SLC44A1: variants seen among roughly 807,000 people sequenced by gnomAD.
The protein encoded by SLC44A1 is solute carrier family 44 member 1.
SLC44A1 carries 26 observed loss-of-function variants against 79.3 expected under a neutral mutation model. That is an observed-to-expected ratio of 0.33 (90% CI 0.24 to 0.46). The LOEUF (loss-of-function observed/expected upper bound fraction) is 0.46. SLC44A1 is among the 20% of genes least tolerant of loss of function. SLC44A1 has a pLI of 1.00. For synonymous variants in SLC44A1, 263 were observed against 286.2 expected, an observed-to-expected ratio of 0.92 and a Z score of 0.82; for missense variants, 688 against 798.1, an observed-to-expected ratio of 0.86 and a Z score of 1.66.
intron 15 of SLC44A1, among the ~76,000 whole-genome samples, chr9:105,388,190 A>C (rs1484321279): frequency 6.6e-6 from 1 of 152,058 alleles, no homozygotes; most frequent in African/African-American, 2.4e-5. Context: ...GAGTAGTTTT[A>C]TTTTTTCAGC....
Position 105,361,357 on chromosome 9 carries a change from C to G in SLC44A1, c.900+27C>G, listed in dbSNP as rs576639807. On this transcript the variant is annotated intron_variant, in intron 8 of 15. Transcript: ENST00000374720. ...TGAGTTTAGGCTTTGGCGTGTCTTTCGGTTTTGTGTTTTTGTTTGCAGGAG... is the reference window on the plus strand; with the variant it reads ...TGAGTTTAGGCTTTGGCGTGTCTTTGGGTTTTGTGTTTTTGTTTGCAGGAG... The G allele has an allele frequency of 1.0e-5, 16 of 1,553,840 alleles. No individual in the cohort carries two copies. In the African/African-American group the frequency reaches 1.9e-4, roughly 19 times the overall value.
At chr9:105,403,106 CA>C (rs1412584960) in intron 15 of SLC44A1, among the ~76,000 whole-genome samples, 1 of 151,346 alleles carries the variant, frequency 6.6e-6, no homozygotes, top group Non-Finnish European at 1.5e-5. Context: ...AGGTGTGAGC[CA>C]CCATGCCCAG....
chr9:105,395,295 T>C lies in SLC44A1; in HGVS notation c.*6239T>C. On this transcript the variant is annotated 3_prime_UTR_variant, in exon 16 of 16. Transcript: ENST00000374720. ...GTGCAGTGGCTCAATCTTAGCTCACTGCAACCTCCACCTCCCAGGTTCAAG... is the reference window on the plus strand; with the variant it reads ...GTGCAGTGGCTCAATCTTAGCTCACCGCAACCTCCACCTCCCAGGTTCAAG... 1 of 607,158 alleles carries C rather than the reference T, an allele frequency of 1.6e-6. No individual in the cohort carries two copies. The highest frequency in any genetic ancestry group is 2.1e-6 in the Non-Finnish European group (1 of 484,774). The allele number at this position is 607,158 out of a possible 1,614,324, so 37.6% of individuals were successfully genotyped here.
intron 13 of SLC44A1, among the ~76,000 whole-genome samples, chr9:105,379,774 G>A (rs1426493902): frequency 1.3e-5 from 2 of 152,148 alleles, no homozygotes; most frequent in Non-Finnish European, 2.9e-5. Flanking sequence ...ATATTTTTAA[G>A]TATTGATATT....
chr9:105,396,148 G>A lies in SLC44A1; in HGVS notation c.*7092G>A. The A allele has an allele frequency of 1.0e-6, 1 of 985,266 alleles. No individual in the cohort carries two copies. The highest frequency in any genetic ancestry group is 1.2e-6 in the Non-Finnish European group (1 of 829,896). The allele number at this position is 985,266 out of a possible 1,614,324, so 61.0% of individuals were successfully genotyped here. A position where few individuals can be genotyped will look rare whatever the true frequency, so the allele number is the denominator to read the frequency against. On this transcript the variant is annotated 3_prime_UTR_variant, in exon 16 of 16. Coordinates refer to ENST00000374720, the MANE Select transcript of SLC44A1 (RefSeq NM_080546.5). ...TGTGTTGCCTTAATGCTACTAGATT[G>A]TGTTGTGTTGTTGGAGTTTTCTGAC...
chr9:105,388,045 C>A (rs1208442769), intron 15 of SLC44A1, among the ~76,000 whole-genome samples: 1 of 152,026 alleles, frequency 6.6e-6, no homozygotes, highest in African/African-American at 2.4e-5. Flanking sequence ...TGGCAAAAAC[C>A]CTCTGCTGCA....
At chr9:105,422,043 T>C (rs1293604202) in intron 15 of SLC44A1, among the ~76,000 whole-genome samples, 1 of 152,056 alleles carries the variant, frequency 6.6e-6, no homozygotes, top group Non-Finnish European at 1.5e-5. Context: ...TTGAGAGAGG[T>C]GACAGCGTTA....
downstream of SLC44A1, among the ~76,000 whole-genome samples, chr9:105,401,388 C>T (rs574068392): frequency 8.0e-4 from 122 of 151,856 alleles, 1 homozygote; most frequent in South Asian, 1.7e-3. Context: ...CAAAACAAAT[C>T]GTATTATTTA....
intron 3 of SLC44A1, among the ~76,000 whole-genome samples, chr9:105,314,080 T>G (rs1025401157): frequency 2.0e-5 from 3 of 152,122 alleles, no homozygotes; most frequent in African/African-American, 4.8e-5. Flanking sequence ...CTAATATTGT[T>G]ATTATTGCCA....
chr9:105,361,092 C>T, intron 7 of SLC44A1, 99 bp from the exon 8 acceptor site: 1 of 1,162,838 alleles, frequency 8.6e-7, no homozygotes, highest in Non-Finnish European at 1.3e-6. Flanking sequence ...TGCATTAGTC[C>T]CATGATGATC....
chr9:105,260,015 G>A (rs1829804268), intron 1 of SLC44A1, among the ~76,000 whole-genome samples: 2 of 152,182 alleles, frequency 1.3e-5, no homozygotes, highest in Admixed American at 1.3e-4. Context: ...TCTAAGATAT[G>A]ATAGATGGTG....
intron 1 of SLC44A1, among the ~76,000 whole-genome samples, chr9:105,290,106 G>A (rs1014434328): frequency 1.3e-5 from 2 of 152,050 alleles, no homozygotes; most frequent in African/African-American, 4.8e-5. Context: ...GTGAGCCACC[G>A]CACCTGGCCT....
chr9:105,345,713 T>C (rs1263202008), intron 4 of SLC44A1, among the ~76,000 whole-genome samples: 1 of 152,170 alleles, frequency 6.6e-6, no homozygotes, highest in Non-Finnish European at 1.5e-5. Flanking sequence ...TGAAAAATTG[T>C]AGTAGTTAAA....
intron 2 of SLC44A1, among the ~76,000 whole-genome samples, chr9:105,300,526 G>C (rs1270560307): frequency 6.6e-6 from 1 of 152,126 alleles, no homozygotes; most frequent in Non-Finnish European, 1.5e-5. Context: ...GTAGGTACCA[G>C]TTCTGCCTCT....
chr9:105,246,031 C>G (rs1252832504), intron 1 of SLC44A1, among the ~76,000 whole-genome samples: 2 of 152,160 alleles, frequency 1.3e-5, no homozygotes, highest in Non-Finnish European at 1.5e-5. Flanking sequence ...GGGATGTAAT[C>G]TCACAGTTTC....
chr9:105,268,974 T>C (rs1250159802), intron 1 of SLC44A1, among the ~76,000 whole-genome samples: 1 of 152,222 alleles, frequency 6.6e-6, no homozygotes, highest in African/African-American at 2.4e-5. Context: ...CCTTTTGTGC[T>C]CTTGTTTCTT....
chr9:105,381,408 G>C (rs988025835), intron 13 of SLC44A1, among the ~76,000 whole-genome samples: 9 of 151,950 alleles, frequency 5.9e-5, no homozygotes, highest in Non-Finnish European at 1.2e-4. Context: ...AATTAGCCAG[G>C]TGTGGTGACG....
rs561163657 is a variant in SLC44A1, at chr9:105,355,109, G to A, written c.501-1103G>A. ...CTGGAAATGTGGGATTCACGTTAAC[G>A]ATGGCTAAATTTTAACATAATGCAC... On this transcript the variant is annotated intron_variant, in intron 5 of 15. Transcript: ENST00000374720. Among the ~76,000 whole-genome samples the A allele has an allele frequency of 2.6e-5, 4 of 152,314 alleles. No homozygotes were observed. In the South Asian group the frequency reaches 8.3e-4, roughly 32 times the overall value.
chr9:105,358,704 G>A (rs1422207027), intron 7 of SLC44A1, among the ~76,000 whole-genome samples: 1 of 151,938 alleles, frequency 6.6e-6, no homozygotes, highest in African/African-American at 2.4e-5. Flanking sequence ...TTTTAGTAAT[G>A]GAATTTGTTC....
Sources: allele counts gnomAD v4.1 joint callset (sites outside exome capture counted in the v4.1 genomes callset), GRCh38; gene constraint gnomAD v4.1.1; transcripts MANE v1.5; gene names NCBI Gene and HGNC (gene_info 2026-07-23, HGNC 2026-07-21).